LAMA2: variants seen among roughly 807,000 people sequenced by gnomAD.
LAMA2 encodes laminin subunit alpha-2.
In LAMA2, 269 loss-of-function variants were observed where a neutral mutation model predicts 364.8. The ratio of observed to expected loss-of-function variants is 0.74; its 90% CI spans 0.67 to 0.82. LAMA2 has a LOEUF of 0.82. LAMA2 is among the 40% of genes least tolerant of loss of function. LAMA2 has a pLI of 0.00. For synonymous variants in LAMA2, 1,379 were observed against 1,370.6 expected (o/e 1.01, Z -0.14); for missense variants, 3,807 against 3,873.2 (o/e 0.98, Z 0.45).
chr6:128,926,495 T>A (rs1002599476), intron 1 of LAMA2, among the ~76,000 whole-genome samples: 1 of 152,172 alleles, frequency 6.6e-6, no homozygotes, highest in Non-Finnish European at 1.5e-5. Context: ...GGAAAGGAAA[T>A]TTTTAAAACT....
At chr6:128,899,354 G>A (rs1776946383) in intron 1 of LAMA2, among the ~76,000 whole-genome samples, 2 of 152,170 alleles carry the variant, frequency 1.3e-5, no homozygotes, top group Admixed American at 1.3e-4. Flanking sequence ...AACCTCAAGA[G>A]CAATTGCTAT....
Position 129,503,086 on chromosome 6 carries a change from C to T in LAMA2, c.8358-5C>T. Reference sequence around the variant, plus strand: ...TGTTTGACTTTGCATGCTTTTGTTTCACAGTCTCACAATTGAGTTGGAAGT... The same window carrying T: ...TGTTTGACTTTGCATGCTTTTGTTTTACAGTCTCACAATTGAGTTGGAAGT... On this transcript the variant is annotated splice_polypyrimidine_tract_variant and splice_region_variant and intron_variant, in intron 59 of 64. Coordinates refer to ENST00000421865, the MANE Select transcript of LAMA2 (RefSeq NM_000426.4). The T allele has an allele frequency of 6.2e-7, 1 of 1,613,642 alleles. No homozygotes were observed. Among genetic ancestry groups the T allele is most frequent in the Non-Finnish European group, 8.5e-7 (1 of 1,179,548 alleles).
chr6:128,885,349 A>G (rs1776088326), intron 1 of LAMA2, among the ~76,000 whole-genome samples: 1 of 152,188 alleles, frequency 6.6e-6, no homozygotes, highest in South Asian at 2.1e-4. Flanking sequence ...TTCAGATATT[A>G]TTATTCTCAA....
chr6:129,288,779 C>T (rs545492008), intron 19 of LAMA2, among the ~76,000 whole-genome samples: 64 of 152,150 alleles, frequency 4.2e-4, no homozygotes, highest in Admixed American at 7.2e-4. Context: ...AATATGAAGG[C>T]GGATCTTGTT....
At chr6:129,183,943 A>G (rs1200960479) in intron 10 of LAMA2, among the ~76,000 whole-genome samples, 1 of 151,950 alleles carries the variant, frequency 6.6e-6, no homozygotes, top group African/African-American at 2.4e-5. Flanking sequence ...TGAAGCTTTG[A>G]CAGTCATTTA....
At chr6:129,328,178 G>T (rs78803692) in intron 28 of LAMA2, 100 bp from the exon 29 acceptor site, 5 of 1,005,804 alleles carry the variant, frequency 5.0e-6, no homozygotes, top group South Asian at 2.5e-5. Context: ...TGCCGCAGGT[G>T]GGGGAAGGCC....
intron 12 of LAMA2, among the ~76,000 whole-genome samples, chr6:129,228,765 G>A (rs958250562): frequency 2.6e-5 from 4 of 152,156 alleles, no homozygotes; most frequent in Non-Finnish European, 4.4e-5. Context: ...AATAGATGAC[G>A]TTAATCTTTC....
chr6:129,458,785 G>C (rs988509095), intron 48 of LAMA2, among the ~76,000 whole-genome samples: 2 of 152,082 alleles, frequency 1.3e-5, no homozygotes, highest in Admixed American at 6.6e-5. Flanking sequence ...GTGTGTAGTA[G>C]GCTATACCAT....
chr6:129,026,487 TACAA>T (rs1368423105), intron 1 of LAMA2, among the ~76,000 whole-genome samples: 1 of 152,174 alleles, frequency 6.6e-6, no homozygotes, highest in African/African-American at 2.4e-5. Flanking sequence ...TAAAGCAGTT[TACAA>T]ACAAATAGTA....
At chr6:129,132,551 C>T (rs1266446321) in intron 4 of LAMA2, among the ~76,000 whole-genome samples, 4 of 152,196 alleles carry the variant, frequency 2.6e-5, no homozygotes, top group Admixed American at 6.5e-5. Flanking sequence ...CCTTGATGCA[C>T]ATTCTCCTAT....
At chr6:129,479,712 A>C (rs1784258612) in intron 54 of LAMA2, 1 of 152,222 alleles carries the variant, frequency 6.6e-6, no homozygotes, top group Non-Finnish European at 1.5e-5. Flanking sequence ...CAATAGAATT[A>C]GGGAAATGAA....
At chr6:128,931,114 A>G (rs1381949378) in intron 1 of LAMA2, among the ~76,000 whole-genome samples, 2 of 152,222 alleles carry the variant, frequency 1.3e-5, no homozygotes, top group African/African-American at 4.8e-5. Flanking sequence ...AGATTTTAGC[A>G]ATTGGACCAT....
In LAMA2 at chr6:128,968,141, G is replaced by GTGGCTC. The variant is rs1332271339; in HGVS notation, c.113-81774_113-81769dup. On this transcript the variant is annotated intron_variant, in intron 1 of 64. Transcript: ENST00000421865. ...CCCTCCAGTCTGGTGAGCAGTGGCT[G>GTGGCTC]TGGCTCTGCTGGCTCTATTTTGTGA... Among the ~76,000 whole-genome samples, 6 of 152,322 alleles carry GTGGCTC rather than the reference G, an allele frequency of 3.9e-5. No homozygotes were observed. The East Asian group carries it at 1.2e-3, about 29-fold the overall frequency.
chr6:129,418,237 C>T (rs1385932628), intron 40 of LAMA2, among the ~76,000 whole-genome samples: 1 of 152,078 alleles, frequency 6.6e-6, no homozygotes, highest in Non-Finnish European at 1.5e-5. Flanking sequence ...AAAATTTAAG[C>T]TGACAATAGA....
chr6:129,350,678 C>G (rs901637645), intron 31 of LAMA2, among the ~76,000 whole-genome samples: 2 of 152,184 alleles, frequency 1.3e-5, no homozygotes, highest in Admixed American at 6.6e-5. Flanking sequence ...CCTAGGAACA[C>G]TTAAATGGTA....
At chr6:129,316,358 G>A (rs1774608208) in intron 27 of LAMA2, among the ~76,000 whole-genome samples, 187 bp downstream of exon 27, 1 of 152,006 alleles carries the variant, frequency 6.6e-6, no homozygotes, top group Non-Finnish European at 1.5e-5. Flanking sequence ...AAGAAAAATA[G>A]CATGAGAAAC....
At chr6:129,206,107 A>AT (rs1782645239) in intron 12 of LAMA2, among the ~76,000 whole-genome samples, 1 of 22,336 alleles carries the variant, frequency 4.5e-5, no homozygotes, top group African/African-American at 2.2e-4. Flanking sequence ...GGAGGGAGGG[A>AT]GGAAGGAAGG....
chr6:129,449,337 G>A (rs923186701), intron 45 of LAMA2, among the ~76,000 whole-genome samples: 1 of 152,182 alleles, frequency 6.6e-6, no homozygotes, highest in African/African-American at 2.4e-5. Flanking sequence ...TGGCAGGTTA[G>A]GGACCTGTTT....
In LAMA2 at chr6:129,206,914, G is replaced by C. The variant is rs142655127; in HGVS notation, c.1782+14061G>C. Among the ~76,000 whole-genome samples, 131 of 152,322 alleles carry C rather than the reference G, an allele frequency of 8.6e-4. 1 individual carries two copies. The East Asian group carries it at 0.024, about 28-fold the overall frequency. On this transcript the variant is annotated intron_variant, in intron 12 of 64. Coordinates refer to ENST00000421865, the MANE Select transcript of LAMA2 (RefSeq NM_000426.4). ...CCTTGAGGCACATCGAAAGCTGACG[G>C]AATTGAGCCAATTAGACTGACTGTC...
Sources: allele counts gnomAD v4.1 joint callset (sites outside exome capture counted in the v4.1 genomes callset), GRCh38; gene constraint gnomAD v4.1.1; transcripts MANE v1.5; gene names NCBI Gene and HGNC (gene_info 2026-07-23, HGNC 2026-07-21).